PNPLA3: variants seen among roughly 807,000 people sequenced by gnomAD.
PNPLA3 encodes patatin like domain 3, 1-acylglycerol-3-phosphate O-acyltransferase.
PNPLA3 carries 42 observed loss-of-function variants against 43.1 expected under a neutral mutation model. That is an observed-to-expected ratio of 0.97 (90% CI 0.76 to 1.26). PNPLA3 has a LOEUF of 1.26. Ranked by LOEUF, PNPLA3 falls within the 50% of genes most tolerant of loss-of-function variation. PNPLA3 has a pLI of 0.00. For synonymous variants in PNPLA3, 272 were observed against 253.6 expected, an observed-to-expected ratio of 1.07 and a Z score of -0.69; for missense variants, 647 against 621.4, an observed-to-expected ratio of 1.04 and a Z score of -0.44.
At chr22:43,936,928 C>T in intron 5 of PNPLA3, 123 bp from the exon 6 acceptor site, 1 of 735,894 alleles carries the variant, frequency 1.4e-6, no homozygotes. Context: ...CCCTTCCCCT[C>T]TTCCCCTTGC....
At position 43,947,495 on chromosome 22, in the gene PNPLA3, C is replaced by T. The variant is rs1181692349; in HGVS notation, c.*1113C>T. ...ACACAACTTGAACCTGGCTTATTTTCTGCAGGGACCAGCCCCACATGGTCA... is the reference window on the plus strand; with the variant it reads ...ACACAACTTGAACCTGGCTTATTTTTTGCAGGGACCAGCCCCACATGGTCA... On this transcript the variant is annotated 3_prime_UTR_variant, in exon 9 of 9. Transcript: ENST00000216180. 6.3e-6 allele frequency: 1 copy of T among 159,040 alleles called. No individual in the cohort carries two copies. The highest frequency in any genetic ancestry group is 2.4e-5 in the African/African-American group (1 of 41,674). The allele number at this position is 159,040 out of a possible 1,614,324, so 9.9% of individuals were successfully genotyped here. A position where few individuals can be genotyped will look rare whatever the true frequency, so the allele number is the denominator to read the frequency against.
In PNPLA3 at chr22:43,944,720, A is replaced by T. The variant is rs746820905; in HGVS notation, c.1142A>T (p.Asp381Val). The change falls in exon 8 of 9, where the codon GAC becomes GTC. Residue 381 changes from aspartate (D) to valine (V), a missense_variant. Asp to Val is a radical substitution (Grantham distance 152). Transcript: ENST00000216180. Reference sequence around the variant, plus strand: ...GTGACATGGCTTCCAGATATGCCCGACGATGTCCTGTGGTTGCAGTGGGTG... The same window carrying T: ...GTGACATGGCTTCCAGATATGCCCGTCGATGTCCTGTGGTTGCAGTGGGTG... ...RLVTWLPDMP[D>V]DVLWLQWVTS... 3.1e-6 allele frequency: 5 copies of T among 1,614,080 alleles called. No homozygotes were observed. The Admixed American group carries it at 8.3e-5, about 27-fold the overall frequency.
intron 5 of PNPLA3, 87 bp downstream of exon 5, chr22:43,934,753 C>T: frequency 7.6e-7 from 1 of 1,314,866 alleles, no homozygotes; most frequent in Admixed American, 1.7e-5. Flanking sequence ...TGCCTTAGTT[C>T]TAACACTTAG....
intron 3 of PNPLA3, 120 bp downstream of exon 3, chr22:43,929,009 A>G (rs978354230): frequency 1.3e-5 from 13 of 1,023,436 alleles, no homozygotes; most frequent in African/African-American, 7.8e-5. Flanking sequence ...GTGGAGCCCC[A>G]TGCCTCACTG....
chr22:43,930,325 G>A (rs990418591), intron 3 of PNPLA3, among the ~76,000 whole-genome samples: 5 of 152,140 alleles, frequency 3.3e-5, no homozygotes, highest in Non-Finnish European at 7.4e-5. Flanking sequence ...ACTGCAGGGC[G>A]GCTCTTCTCA....
At position 43,946,413 on chromosome 22, in the gene PNPLA3, T is replaced by C; in HGVS notation, c.*31T>C. ...TTGAGGAGGCGAGTCTAGCAGATTC[T>C]TTCAGAGGTGCTAAAGTTTCCCATC... is the stretch of plus-strand genomic sequence containing the variant. On this transcript the variant is annotated 3_prime_UTR_variant, in exon 9 of 9. Coordinates refer to ENST00000216180, the MANE Select transcript of PNPLA3 (RefSeq NM_025225.3). 1 of 1,593,974 alleles carries C rather than the reference T, an allele frequency of 6.3e-7. No homozygotes were observed. Among genetic ancestry groups the C allele is most frequent in the Non-Finnish European group, 8.6e-7 (1 of 1,161,770 alleles).
chr22:43,928,743 C>T (rs2049941671), intron 2 of PNPLA3, 81 bp from the exon 3 acceptor site: 12 of 1,331,458 alleles, frequency 9.0e-6, no homozygotes, highest in Middle Eastern at 1.8e-4. Context: ...TTGCCCTGCT[C>T]ACTTGGAGAA....
At chr22:43,934,486 C>T in intron 4 of PNPLA3, 120 bp from the exon 5 acceptor site, 2 of 1,045,748 alleles carry the variant, frequency 1.9e-6, no homozygotes, top group South Asian at 2.8e-5. Flanking sequence ...TCAGTGCCCC[C>T]AGCCAGCAGA....
intron 1 of PNPLA3, among the ~76,000 whole-genome samples, chr22:43,925,753 C>T (rs1048822380): frequency 1.5e-4 from 23 of 152,218 alleles, no homozygotes; most frequent in Non-Finnish European, 2.9e-4. Flanking sequence ...ATCATTTGCA[C>T]ACCCTGGGGT....
Position 43,933,013 on chromosome 22 carries a change from A to C in PNPLA3, c.622A>C (p.Thr208Pro). Residue 208 changes from threonine (T) to proline (P), a missense_variant, in exon 4 of 9, where the codon ACC (threonine) becomes CCC (proline). Coordinates refer to ENST00000216180, the MANE Select transcript of PNPLA3 (RefSeq NM_025225.3). The stretch of plus-strand genomic sequence containing the variant: ...CACGAACTTTCTTCATGTGGACATC[A>C]CCAAGCTCAGTCTACGCCTCTGCAC... Reference protein sequence around the residue: ...KSTNFLHVDITKLSLRLCTGN... With the variant: ...KSTNFLHVDIPKLSLRLCTGN... 1 of 1,614,128 alleles carries C rather than the reference A, an allele frequency of 6.2e-7. No homozygotes were observed. The highest frequency in any genetic ancestry group is 8.5e-7 in the Non-Finnish European group (1 of 1,180,006).
chr22:43,925,522 T>G (rs1336493888), intron 1 of PNPLA3, among the ~76,000 whole-genome samples: 1 of 152,138 alleles, frequency 6.6e-6, no homozygotes, highest in Non-Finnish European at 1.5e-5. Context: ...CAATGGACTC[T>G]TTGCCCTGCC....
chr22:43,924,300 A>C, intron 1 of PNPLA3: 2 of 633,604 alleles, frequency 3.2e-6, no homozygotes, highest in Admixed American at 4.2e-5. Flanking sequence ...GGGCGTTGGA[A>C]CCCCGAGCGG....
intron 1 of PNPLA3, among the ~76,000 whole-genome samples, chr22:43,926,151 A>G (rs1257295446): frequency 6.6e-6 from 1 of 152,204 alleles, no homozygotes; most frequent in Non-Finnish European, 1.5e-5. Context: ...AGCTGAGGCT[A>G]ACTTGGCAGG....
chr22:43,942,701 CTTTTTTTTT>C (rs398037291), intron 7 of PNPLA3, among the ~76,000 whole-genome samples: 1 of 113,644 alleles, frequency 8.8e-6, no homozygotes, highest in East Asian at 2.7e-4. Flanking sequence ...TTTCTTTTTT[CTTTTTTTTT>C]TTTTTTTTTT....
At chr22:43,944,232 T>C (rs1431279422) in intron 7 of PNPLA3, among the ~76,000 whole-genome samples, 1 of 152,150 alleles carries the variant, frequency 6.6e-6, no homozygotes, top group East Asian at 1.9e-4. Flanking sequence ...GTCAGGCATT[T>C]ATCAGAGACC....
In PNPLA3 at chr22:43,932,953, T is replaced by A. The variant is rs1341108776; in HGVS notation, c.562T>A (p.Tyr188Asn). Reference protein sequence around the residue: ...AKTTITVSPFYGEYDICPKVK... With the variant: ...AKTTITVSPFNGEYDICPKVK... ...AACAACCATCACCGTGTCCCCCTTC[T>A]ATGGGGAGTACGACATCTGCCCTAA... The change falls in exon 4 of 9, where the codon TAT (tyrosine) becomes AAT (asparagine). Residue 188 changes from tyrosine to asparagine, a missense_variant. By Grantham distance (143) the Tyr-to-Asn change is moderately radical (BLOSUM62 -2). Coordinates refer to ENST00000216180, the MANE Select transcript of PNPLA3 (RefSeq NM_025225.3). 1.2e-6 allele frequency: 2 copies of A among 1,614,138 alleles called. No homozygotes were observed. Among genetic ancestry groups the A allele is most frequent in the Admixed American group, 3.3e-5 (2 of 60,032 alleles).
intron 6 of PNPLA3, 124 bp from the exon 7 acceptor site, chr22:43,939,869 A>G: frequency 2.3e-6 from 3 of 1,317,828 alleles, no homozygotes; most frequent in Non-Finnish European, 3.2e-6. Context: ...CGCTTTTGTG[A>G]GTGCCTCTGA....
intron 5 of PNPLA3, among the ~76,000 whole-genome samples, chr22:43,936,280 C>T (rs527462340): frequency 1.3e-5 from 2 of 152,028 alleles, no homozygotes; most frequent in East Asian, 1.9e-4. Flanking sequence ...TGGAAAGAGC[C>T]GGGGCAAGCA....
intron 7 of PNPLA3, 35 bp downstream of exon 7, chr22:43,940,160 A>G: frequency 6.3e-7 from 1 of 1,598,330 alleles, no homozygotes; most frequent in South Asian, 1.1e-5. Flanking sequence ...TCTTCCTCAC[A>G]GGGTTGATAT....
Sources: gnomAD v4.1 joint callset for allele counts (sites outside exome capture counted in the v4.1 genomes callset) on GRCh38, gnomAD v4.1.1 for gene constraint, MANE v1.5 for transcripts, NCBI Gene and HGNC (gene_info 2026-07-23, HGNC 2026-07-21) for gene names.